The following ZFPM2 variants were observed in gnomAD, a reference collection of about 807,000 sequenced individuals.
ZFPM2 encodes zinc finger protein ZFPM2.
ZFPM2 carries 20 observed loss-of-function variants against 98.6 expected under a neutral mutation model. That is an observed-to-expected ratio of 0.20 (90% confidence interval 0.14 to 0.29). The LOEUF (loss-of-function observed/expected upper bound fraction) is 0.29. ZFPM2 is among the 10% of genes least tolerant of loss of function. ZFPM2 has a pLI of 1.00. For synonymous variants in ZFPM2, 518 were observed against 502.7 expected, an observed-to-expected ratio of 1.03 and a Z score of -0.41; for missense variants, 1,310 against 1,388.6, an observed-to-expected ratio of 0.94 and a Z score of 0.90.
intron 6 of ZFPM2, among the ~76,000 whole-genome samples, chr8:105,789,278 T>G (rs1257225920): frequency 6.6e-6 from 1 of 152,030 alleles, no homozygotes; most frequent in Non-Finnish European, 1.5e-5. Context: ...ATGTTCCCCT[T>G]CCTGTGTCCA....
At chr8:105,660,807 A>G (rs1563509777) in intron 5 of ZFPM2, among the ~76,000 whole-genome samples, 1 of 152,220 alleles carries the variant, frequency 6.6e-6, no homozygotes, top group Non-Finnish European at 1.5e-5. Flanking sequence ...ATAAACTCCT[A>G]CTAATACTAC....
At chr8:105,725,804 T>C (rs1811796056) in intron 5 of ZFPM2, among the ~76,000 whole-genome samples, 1 of 151,698 alleles carries the variant, frequency 6.6e-6, no homozygotes, top group African/African-American at 2.4e-5. Flanking sequence ...AATACAAGTC[T>C]CTTGTGTCAG....
At chr8:105,497,004 A>AG (rs1335365462) in intron 3 of ZFPM2, among the ~76,000 whole-genome samples, 1 of 142,446 alleles carries the variant, frequency 7.0e-6, no homozygotes, top group Non-Finnish European at 1.5e-5. Context: ...AAAAAAAAAA[A>AG]GAGATGAGTC....
chr8:105,766,228 A>C (rs1324831933), intron 5 of ZFPM2, among the ~76,000 whole-genome samples: 2 of 151,930 alleles, frequency 1.3e-5, no homozygotes, highest in Non-Finnish European at 2.9e-5. Context: ...TTTTTCGTTA[A>C]CTATGAATGT....
At chr8:105,713,917 T>G (rs1811460379) in intron 5 of ZFPM2, among the ~76,000 whole-genome samples, 1 of 152,136 alleles carries the variant, frequency 6.6e-6, no homozygotes, top group Admixed American at 6.6e-5. Context: ...TTCTTTTTGC[T>G]TAGGATTGCT....
intron 3 of ZFPM2, among the ~76,000 whole-genome samples, chr8:105,449,111 C>T (rs547814886): frequency 2.0e-5 from 3 of 151,984 alleles, no homozygotes; most frequent in Non-Finnish European, 4.4e-5. Context: ...TTTCAGTATG[C>T]TAATTCTCGG....
At chr8:105,537,286 G>C (rs1487039372) in intron 3 of ZFPM2, among the ~76,000 whole-genome samples, 1 of 151,940 alleles carries the variant, frequency 6.6e-6, no homozygotes, top group Non-Finnish European at 1.5e-5. Context: ...AGACTACCAA[G>C]ACATGTAACC....
In ZFPM2 at chr8:105,784,618, C is replaced by T. The variant is rs1172538150; in HGVS notation, c.533-4100C>T. ...TTATATGTCAGGTGCTGTTCTTAAG[C>T]TTTCACATATATTAGCTCATTTAAT... On this transcript the variant is annotated intron_variant, in intron 5 of 7. Transcript: ENST00000407775. 1.4e-5 allele frequency among the ~76,000 whole-genome samples: 2 copies of T among 145,606 alleles called. 1 individual carries two copies. Among genetic ancestry groups the T allele is most frequent in the African/African-American group, 5.7e-5 (2 of 35,246 alleles).
chr8:105,603,913 T>A (rs926317259), intron 4 of ZFPM2, among the ~76,000 whole-genome samples: 1 of 152,050 alleles, frequency 6.6e-6, no homozygotes, highest in Admixed American at 6.6e-5. Flanking sequence ...TCTGTTTTCT[T>A]GGCCAAGAAA....
intron 5 of ZFPM2, among the ~76,000 whole-genome samples, chr8:105,689,449 A>T (rs967370268): frequency 5.3e-5 from 8 of 152,334 alleles, no homozygotes; most frequent in African/African-American, 1.9e-4. Context: ...TCACATAAGC[A>T]TTTCTGCTGA....
chr8:105,527,353 A>T (rs1241406969), intron 3 of ZFPM2, among the ~76,000 whole-genome samples: 2 of 152,244 alleles, frequency 1.3e-5, no homozygotes, highest in African/African-American at 4.8e-5. Context: ...AGTCTAGCAC[A>T]AAAGTATAAA....
intron 5 of ZFPM2, among the ~76,000 whole-genome samples, chr8:105,661,759 A>G (rs1817393302): frequency 6.6e-6 from 1 of 152,118 alleles, no homozygotes; most frequent in South Asian, 2.1e-4. Context: ...TGTTAAAGAA[A>G]GCTGCAAGGA....
At chr8:105,326,997 A>G (rs907398896) in intron 1 of ZFPM2, among the ~76,000 whole-genome samples, 2 of 151,466 alleles carry the variant, frequency 1.3e-5, no homozygotes, top group Admixed American at 6.6e-5. Context: ...TGAATTTAAA[A>G]ATTATTTTTA....
intron 5 of ZFPM2, among the ~76,000 whole-genome samples, chr8:105,774,838 G>A (rs1250792035): frequency 6.6e-6 from 1 of 152,050 alleles, no homozygotes; most frequent in African/African-American, 2.4e-5. Flanking sequence ...ATTTCTGGCT[G>A]TTTGAACTTA....
chr8:105,523,647 C>A (rs1173297434), intron 3 of ZFPM2, among the ~76,000 whole-genome samples: 1 of 152,198 alleles, frequency 6.6e-6, no homozygotes, highest in Admixed American at 6.5e-5. Context: ...CTGCACCCCC[C>A]TACCTCCGTG....
At chr8:105,741,347 C>T (rs1428557837) in intron 5 of ZFPM2, among the ~76,000 whole-genome samples, 1 of 152,060 alleles carries the variant, frequency 6.6e-6, no homozygotes, top group Non-Finnish European at 1.5e-5. Context: ...GAAAGTTTTT[C>T]AATGAGTTTT....
At chr8:105,522,192 G>A (rs1814077493) in intron 3 of ZFPM2, among the ~76,000 whole-genome samples, 1 of 152,176 alleles carries the variant, frequency 6.6e-6, no homozygotes, top group African/African-American at 2.4e-5. Context: ...GGCTTCTGGT[G>A]AAAGAAGTGG....
At chr8:105,608,580 GTTTT>G (rs397978197) in intron 4 of ZFPM2, among the ~76,000 whole-genome samples, 1 of 108,746 alleles carries the variant, frequency 9.2e-6, no homozygotes, top group Admixed American at 1.0e-4. Flanking sequence ...AACACCAAGA[GTTTT>G]TTTTTTTTTT....
At chr8:105,336,048 T>A (rs1339616258) in intron 1 of ZFPM2, among the ~76,000 whole-genome samples, 1 of 151,874 alleles carries the variant, frequency 6.6e-6, no homozygotes, top group Non-Finnish European at 1.5e-5. Flanking sequence ...TGAATGGATG[T>A]ACGGCACAAA....
Sources: allele counts gnomAD v4.1 joint callset (sites outside exome capture counted in the v4.1 genomes callset), GRCh38; gene constraint gnomAD v4.1.1; transcripts MANE v1.5; gene names NCBI Gene and HGNC (gene_info 2026-07-23, HGNC 2026-07-21).